CIT: variants seen among roughly 807,000 people sequenced by gnomAD.
CIT encodes the protein citron rho-interacting serine/threonine kinase, also known as citron Rho-interacting kinase.
Under a neutral mutation model 272.7 loss-of-function variants are expected in CIT, and 79 were observed. The ratio of observed to expected loss-of-function variants is 0.29; its 90% CI spans 0.24 to 0.35. The LOEUF is 0.35. Ranked by LOEUF, CIT falls within the 10% of genes least tolerant of loss-of-function variation. The probability of loss-of-function intolerance (pLI) is 1.00; values close to 1 mark genes in which losing one functional copy is unlikely to be tolerated. For synonymous variants in CIT, 948 were observed against 995.6 expected (o/e 0.95, Z 0.90); for missense variants, 1,909 against 2,618.3 (o/e 0.73, Z 5.91).
At chr12:119,844,451 C>T (rs930881497) in intron 5 of CIT, among the ~76,000 whole-genome samples, 4 of 151,956 alleles carry the variant, frequency 2.6e-5, no homozygotes, top group Non-Finnish European at 2.9e-5. Context: ...CTAAAAAGAG[C>T]CTTAAGAGAG....
In CIT at chr12:119,718,458, G is replaced by A; in HGVS notation, c.4004-49C>T. 1 of 1,565,112 alleles carries A rather than the reference G, an allele frequency of 6.4e-7. No individual in the cohort carries two copies. The highest frequency in any genetic ancestry group is 1.2e-5 in the South Asian group (1 of 83,662). On this transcript the variant is annotated intron_variant, in intron 31 of 47. Coordinates refer to ENST00000392521, the MANE Select transcript of CIT (RefSeq NM_001206999.2). The surrounding 1 kb of genome is among the most constrained non-coding windows in gnomAD (Gnocchi z 4.8). ...CTTTTGGTTAGCTGGGTCGCCTAGAGGACCAAACTAAGCCGAATGTCCCTG... is the reference window on the plus strand; with the variant it reads ...CTTTTGGTTAGCTGGGTCGCCTAGAAGACCAAACTAAGCCGAATGTCCCTG...
chr12:119,817,993 T>C (rs765720415), intron 9 of CIT, among the ~76,000 whole-genome samples: 4 of 152,124 alleles, frequency 2.6e-5, no homozygotes, highest in Non-Finnish European at 5.9e-5. Flanking sequence ...TAGTGTGACA[T>C]GGTTTATTAT....
intron 2 of CIT, among the ~76,000 whole-genome samples, chr12:119,871,065 G>C (rs1392524655): frequency 6.6e-6 from 1 of 151,232 alleles, no homozygotes; most frequent in Admixed American, 6.6e-5. Flanking sequence ...GTTGCAGTGA[G>C]CAGAGATCGT....
At chr12:119,725,233 G>A (rs894103416) in intron 28 of CIT, among the ~76,000 whole-genome samples, 3 of 151,988 alleles carry the variant, frequency 2.0e-5, no homozygotes, top group Non-Finnish European at 4.4e-5. Context: ...GACAAGCTGG[G>A]CCAACATCGT....
intron 19 of CIT, among the ~76,000 whole-genome samples, chr12:119,762,604 C>A (rs1961941641): frequency 6.6e-6 from 1 of 152,156 alleles, no homozygotes; most frequent in East Asian, 1.9e-4. Flanking sequence ...ACCACATATG[C>A]CCTTTATATT....
In CIT at chr12:119,764,255, A is replaced by C. The variant is rs183123592; in HGVS notation, c.2304+2832T>G. Among the ~76,000 whole-genome samples the C allele has an allele frequency of 4.0e-4, 61 of 152,360 alleles. No individual in the cohort carries two copies. The East Asian group carries it at 0.011, about 27-fold the overall frequency. The stretch of plus-strand genomic sequence containing the variant: ...AACAACAGAGCAGAAGCAGACCTTC[A>C]AATACTTCACATAGTGGAGTTGTCA... On this transcript the variant is annotated intron_variant, in intron 19 of 47. Coordinates refer to ENST00000392521, the MANE Select transcript of CIT (RefSeq NM_001206999.2).
chr12:119,748,364 AAAAGT>A (rs908568777), intron 23 of CIT, among the ~76,000 whole-genome samples: 10 of 152,254 alleles, frequency 6.6e-5, no homozygotes, highest in African/African-American at 2.4e-4. Context: ...AAGAAGAAAG[AAAAGT>A]AAACTACAAT....
chr12:119,826,535 C>T (rs1319952501), intron 7 of CIT, among the ~76,000 whole-genome samples: 2 of 152,306 alleles, frequency 1.3e-5, no homozygotes, highest in Admixed American at 1.3e-4. Context: ...GCCTAGTAAG[C>T]TAGCAACCCC....
At chr12:119,807,310 T>A (rs999334017) in intron 9 of CIT, among the ~76,000 whole-genome samples, 5 of 152,242 alleles carry the variant, frequency 3.3e-5, no homozygotes, top group African/African-American at 1.2e-4. Flanking sequence ...ATTAGAGAAC[T>A]ACTTTAAAAT....
At chr12:119,698,967 G>A (rs928754872) in intron 44 of CIT, among the ~76,000 whole-genome samples, 1 of 151,910 alleles carries the variant, frequency 6.6e-6, no homozygotes, top group Non-Finnish European at 1.5e-5. Context: ...AAAAAGACTA[G>A]GTTCGGGCTG....
At chr12:119,708,714 T>A (rs1468006397) in intron 39 of CIT, among the ~76,000 whole-genome samples, 1 of 152,074 alleles carries the variant, frequency 6.6e-6, no homozygotes, top group Non-Finnish European at 1.5e-5. Flanking sequence ...GGTCTCAAAC[T>A]CCTGACCTTG....
Position 119,728,027 on chromosome 12 carries a change from T to C in CIT, c.3591+475A>G, listed in dbSNP as rs1243115919. On this transcript the variant is annotated intron_variant, in intron 28 of 47. Transcript: ENST00000392521. This position sits in a 1 kb window ranked among gnomAD's most constrained non-coding sequence, Gnocchi z 4.3. ...AGTGAAAGCAGCTGATCTGAAAGGCTACATCCTGTGTGATTCCAGATATGC... is the reference window on the plus strand; with the variant it reads ...AGTGAAAGCAGCTGATCTGAAAGGCCACATCCTGTGTGATTCCAGATATGC... 6.6e-6 allele frequency among the ~76,000 whole-genome samples: 1 copy of C among 152,112 alleles called. No homozygotes were observed. Among genetic ancestry groups the C allele is most frequent in the African/African-American group, 2.4e-5 (1 of 41,404 alleles).
chr12:119,750,798 G>T (rs548294641), intron 23 of CIT, among the ~76,000 whole-genome samples: 27 of 145,554 alleles, frequency 1.9e-4, no homozygotes, highest in African/African-American at 5.1e-4. Flanking sequence ...GATAGATAGA[G>T]ATATAGAGAT....
At chr12:119,700,619 G>C (rs1956503263) in intron 44 of CIT, 126 bp downstream of exon 44, 3 of 779,838 alleles carry the variant, frequency 3.8e-6, no homozygotes, top group Middle Eastern at 2.9e-4. Context: ...CTGACCTCAT[G>C]ATCCACCCGC....
Position 119,701,682 on chromosome 12 carries a change from G to A in CIT, c.5484C>T (p.Val1828=). 4.3e-6 allele frequency: 7 copies of A among 1,614,216 alleles called. No individual in the cohort carries two copies. Among genetic ancestry groups the A allele is most frequent in the Non-Finnish European group, 4.2e-6 (5 of 1,180,040 alleles). ...CTGCGCTGTTCACCTGCACGATTGA[G>A]ACAGGGAAGCTGTTGGAAGAGGCGG... is the stretch of plus-strand genomic sequence containing the variant. The part of the protein sequence containing the change: ...VFAASSNSFP[V]SIVQVNSAGQ... The change falls in exon 43 of 48, where the codon GTC becomes GTT. Residue 1828 remains valine, a synonymous_variant. Coordinates refer to ENST00000392521, the MANE Select transcript of CIT (RefSeq NM_001206999.2).
chr12:119,809,365 A>G (rs1966774361), intron 9 of CIT, among the ~76,000 whole-genome samples: 1 of 152,342 alleles, frequency 6.6e-6, no homozygotes, highest in East Asian at 1.9e-4. Context: ...ACTTAGGCAG[A>G]TCTACACTAA....
chr12:119,701,585 T>C (rs1254934408), intron 43 of CIT, 39 bp downstream of exon 43: 5 of 1,605,902 alleles, frequency 3.1e-6, no homozygotes, highest in Admixed American at 1.7e-5. Flanking sequence ...CTAGTGTCCA[T>C]GAGGACCCAA....
At chr12:119,773,399 G>A (rs1322842600) in intron 16 of CIT, among the ~76,000 whole-genome samples, 1 of 151,962 alleles carries the variant, frequency 6.6e-6, no homozygotes, top group Non-Finnish European at 1.5e-5. Context: ...GATATACTGG[G>A]TTAAAACAAA....
At chr12:119,732,679 C>T (rs897931040) in intron 26 of CIT, among the ~76,000 whole-genome samples, 20 of 152,192 alleles carry the variant, frequency 1.3e-4, no homozygotes, top group African/African-American at 4.8e-4. Context: ...ATCCATCTGA[C>T]ATATTTAGTT....
Sources: gnomAD v4.1 joint callset for allele counts (sites outside exome capture counted in the v4.1 genomes callset) on GRCh38, gnomAD v4.1.1 for gene constraint, Gnocchi (gnomAD v3.1) non-coding constraint, MANE v1.5 for transcripts, NCBI Gene and HGNC (gene_info 2026-07-23, HGNC 2026-07-21) for gene names.